DPYD: variants seen among roughly 807,000 people sequenced by gnomAD.
DPYD encodes dihydropyrimidine dehydrogenase.
In DPYD, 109 loss-of-function variants were observed where a neutral mutation model predicts 116.2. The observed-to-expected ratio is 0.94, with a 90% CI of 0.80 to 1.10. The LOEUF (loss-of-function observed/expected upper bound fraction) is 1.10. DPYD is among the 50% of genes least tolerant of loss of function. The pLI, the probability that DPYD is intolerant of heterozygous loss-of-function variation, is 0.00. For missense variants in DPYD, 1,302 were observed against 1,254.5 expected (o/e 1.04, Z -0.57); for synonymous variants, 440 against 432.0 (o/e 1.02, Z -0.23).
chr1:97,218,322 T>C (rs952644090), intron 19 of DPYD, among the ~76,000 whole-genome samples: 1 of 152,030 alleles, frequency 6.6e-6, no homozygotes, highest in African/African-American at 2.4e-5. Flanking sequence ...GGAAACTGAA[T>C]GTACTGATTT....
intron 2 of DPYD, chr1:97,855,299 C>T (rs1367994025): frequency 2.0e-5 from 3 of 152,278 alleles, no homozygotes; most frequent in African/African-American, 7.2e-5. Flanking sequence ...ACTGCTATGA[C>T]AGGTGACGGT....
chr1:97,672,772 GC>G (rs1659937577), intron 8 of DPYD, among the ~76,000 whole-genome samples: 1 of 152,046 alleles, frequency 6.6e-6, no homozygotes, highest in African/African-American at 2.4e-5. Context: ...AATAATTCTG[GC>G]TTTGTGAAGG....
At chr1:97,585,491 T>C (rs966136026) in intron 10 of DPYD, among the ~76,000 whole-genome samples, 17 of 152,164 alleles carry the variant, frequency 1.1e-4, no homozygotes, top group African/African-American at 3.9e-4. Context: ...ATGTTTATCT[T>C]TTTGAAAGTT....
At chr1:97,400,101 T>C (rs1350546929) in intron 14 of DPYD, among the ~76,000 whole-genome samples, 1 of 152,188 alleles carries the variant, frequency 6.6e-6, no homozygotes, top group Non-Finnish European at 1.5e-5. Context: ...TAAGTAGCTC[T>C]TATTATTTTG....
chr1:97,077,906 G>T lies in DPYD; in HGVS notation c.*1070C>A, dbSNP rs952326727. On this transcript the variant is annotated 3_prime_UTR_variant, in exon 23 of 23. Coordinates refer to ENST00000370192, the MANE Select transcript of DPYD (RefSeq NM_000110.4). Reference sequence around the variant, plus strand: ...GTTACTTTCTGATTTACTACTTATAGATTCATATTGAAGATGCCATGAAGA... The same window carrying T: ...GTTACTTTCTGATTTACTACTTATATATTCATATTGAAGATGCCATGAAGA... 6.6e-6 allele frequency: 1 copy of T among 151,974 alleles called. No homozygotes were observed. The allele number at this position is 151,974 out of a possible 1,614,324, so 9.4% of individuals were successfully genotyped here. A position where few individuals can be genotyped will look rare whatever the true frequency, so the allele number is the denominator to read the frequency against.
chr1:97,544,989 C>A (rs958348584), intron 12 of DPYD, among the ~76,000 whole-genome samples: 25 of 152,084 alleles, frequency 1.6e-4, no homozygotes, highest in African/African-American at 5.8e-4. Context: ...AAGGAGCTAG[C>A]AGGCTGCTCA....
chr1:97,543,960 G>C (rs1650636986), intron 12 of DPYD, among the ~76,000 whole-genome samples: 1 of 152,130 alleles, frequency 6.6e-6, no homozygotes, highest in Non-Finnish European at 1.5e-5. Context: ...GAGGGAAATG[G>C]GTGAAGTGGG....
intron 16 of DPYD, among the ~76,000 whole-genome samples, chr1:97,325,200 C>T (rs1011049277): frequency 3.3e-5 from 5 of 151,862 alleles, no homozygotes; most frequent in African/African-American, 1.2e-4. Flanking sequence ...CTTTTTTTCA[C>T]TTAACAAGGA....
chr1:97,173,198 A>G (rs764038843), intron 20 of DPYD, among the ~76,000 whole-genome samples: 6 of 145,992 alleles, frequency 4.1e-5, no homozygotes, highest in Non-Finnish European at 9.2e-5. Context: ...ATGTGTATAT[A>G]TGTGTACATA....
intron 14 of DPYD, chr1:97,394,130 G>A (rs548507174): frequency 2.0e-4 from 30 of 152,022 alleles, no homozygotes; most frequent in Non-Finnish European, 4.0e-4. Context: ...CCCACTTTTT[G>A]ATGGGGTTGT....
At chr1:97,764,906 G>A (rs573896390) in intron 3 of DPYD, among the ~76,000 whole-genome samples, 20 of 152,114 alleles carry the variant, frequency 1.3e-4, no homozygotes, top group African/African-American at 4.8e-4. Context: ...AATGAATTAA[G>A]GAATAAATCA....
intron 8 of DPYD, among the ~76,000 whole-genome samples, chr1:97,671,562 G>A (rs1310009664): frequency 6.6e-6 from 1 of 152,120 alleles, no homozygotes; most frequent in East Asian, 1.9e-4. Context: ...AAGCAGTGAA[G>A]TAATCAAGTA....
chr1:97,310,419 A>T (rs1317657686), intron 16 of DPYD, among the ~76,000 whole-genome samples: 1 of 151,800 alleles, frequency 6.6e-6, no homozygotes, highest in African/African-American at 2.4e-5. Flanking sequence ...TGTAAACTAG[A>T]ACTATCGAAG....
At chr1:97,749,365 T>A (rs1365356658) in intron 3 of DPYD, among the ~76,000 whole-genome samples, 1 of 152,206 alleles carries the variant, frequency 6.6e-6, no homozygotes, top group African/African-American at 2.4e-5. Flanking sequence ...ATGCTTTAAG[T>A]GTTCAGTCCA....
At chr1:97,155,600 C>T (rs534624299) in intron 20 of DPYD, among the ~76,000 whole-genome samples, 2 of 152,166 alleles carry the variant, frequency 1.3e-5, no homozygotes, top group Non-Finnish European at 2.9e-5. Flanking sequence ...GATAATACTG[C>T]TTTCTAAATT....
chr1:97,330,627 A>G (rs943688564), intron 16 of DPYD, among the ~76,000 whole-genome samples: 6 of 152,214 alleles, frequency 3.9e-5, no homozygotes, highest in Admixed American at 6.5e-5. Context: ...TTAAAAATAT[A>G]CAACAGGGCA....
chr1:97,630,514 C>T (rs1185183888), intron 8 of DPYD, among the ~76,000 whole-genome samples: 1 of 152,112 alleles, frequency 6.6e-6, no homozygotes, highest in African/African-American at 2.4e-5. Context: ...TCGAAGCTAA[C>T]AAGACCCTGA....
intron 8 of DPYD, among the ~76,000 whole-genome samples, chr1:97,614,608 T>C (rs1006870850): frequency 6.6e-6 from 1 of 152,082 alleles, no homozygotes; most frequent in Non-Finnish European, 1.5e-5. Flanking sequence ...TTCCACTTCA[T>C]TTTCATTAGC....
At chr1:97,565,541 G>A (rs1447909983) in intron 11 of DPYD, among the ~76,000 whole-genome samples, 1 of 152,054 alleles carries the variant, frequency 6.6e-6, no homozygotes, top group Non-Finnish European at 1.5e-5. Context: ...AAAACAGAAT[G>A]CCTCCCCGTT....
Sources: allele counts gnomAD v4.1 joint callset (sites outside exome capture counted in the v4.1 genomes callset), GRCh38; gene constraint gnomAD v4.1.1; transcripts MANE v1.5; gene names NCBI Gene and HGNC (gene_info 2026-07-23, HGNC 2026-07-21).